EXOC4: variants seen among roughly 807,000 people sequenced by gnomAD.
EXOC4 encodes exocyst complex component 4.
In EXOC4, 71 loss-of-function variants were observed where a neutral mutation model predicts 107.2. The ratio of observed to expected loss-of-function variants is 0.66; its 90% confidence interval spans 0.55 to 0.81. The LOEUF (loss-of-function observed/expected upper bound fraction) is 0.81. Among genes scored for constraint, EXOC4 ranks in the 30% least tolerant of loss-of-function variants. EXOC4 has a pLI of 0.00. For missense variants in EXOC4, 1,108 were observed against 1,189.6 expected, an observed-to-expected ratio of 0.93 and a Z score of 1.01; for synonymous variants, 456 against 441.2, an observed-to-expected ratio of 1.03 and a Z score of -0.42.
intron 7 of EXOC4, among the ~76,000 whole-genome samples, chr7:133,462,648 C>G (rs923624631): frequency 2.0e-5 from 3 of 152,104 alleles, no homozygotes. Flanking sequence ...GATTCACTTT[C>G]TTGATCTCAT....
chr7:133,421,752 G>A (rs149263377), intron 7 of EXOC4, among the ~76,000 whole-genome samples: 1,763 of 152,214 alleles, frequency 0.012, 39 homozygotes, highest in African/African-American at 0.039. Flanking sequence ...GCCAATAAGT[G>A]TGTACTTAAA....
chr7:133,556,026 T>G (rs1305010826), intron 9 of EXOC4, among the ~76,000 whole-genome samples: 1 of 152,196 alleles, frequency 6.6e-6, no homozygotes, highest in African/African-American at 2.4e-5. Flanking sequence ...GATTGTTTGT[T>G]GTAACTTTAA....
chr7:133,381,877 T>A (rs1425335076), intron 7 of EXOC4, among the ~76,000 whole-genome samples: 3 of 152,178 alleles, frequency 2.0e-5, no homozygotes, highest in African/African-American at 7.2e-5. Context: ...TCTCAATGTA[T>A]ACCTCTTGGA....
intron 4 of EXOC4, among the ~76,000 whole-genome samples, chr7:133,307,336 G>A (rs1161348269): frequency 6.6e-6 from 1 of 152,168 alleles, no homozygotes; most frequent in South Asian, 2.1e-4. Context: ...GTATCTGTCA[G>A]TACCTCAGCA....
chr7:133,564,120 A>C (rs6961093), intron 9 of EXOC4, among the ~76,000 whole-genome samples: 57,293 of 152,054 alleles, frequency 0.38, 11,826 homozygotes, highest in African/African-American at 0.55. Context: ...AAAGTAATAC[A>C]TGAGACTGTG....
chr7:134,006,112 G>A (rs949335235), intron 16 of EXOC4, among the ~76,000 whole-genome samples: 6 of 152,134 alleles, frequency 3.9e-5, no homozygotes, highest in East Asian at 3.8e-4. Flanking sequence ...TTATTACACC[G>A]AGTTTCCTCT....
At position 133,649,467 on chromosome 7, in the gene EXOC4, C is replaced by CTTTTTTTTTT. The variant is rs61225754; in HGVS notation, c.1514+19335_1514+19344dup. On this transcript the variant is annotated intron_variant, in intron 10 of 17. Transcript: ENST00000253861. ...TGTGTGTGAAGCATTACTACTTTTTCTTTTTTTTTTTTTTTTTTAACCAGT... is the reference window on the plus strand; with the variant it reads ...TGTGTGTGAAGCATTACTACTTTTTCTTTTTTTTTTTTTTTTTTTTTTTTTTTTAACCAGT... Among the ~76,000 whole-genome samples the CTTTTTTTTTT allele has an allele frequency of 3.5e-5, 3 of 85,400 alleles. 1 individual carries two copies. The highest frequency in any genetic ancestry group is 4.0e-5 in the African/African-American group (1 of 25,254). 56.0% of individuals were successfully genotyped at this position (85,400 alleles called of 152,430 possible).
chr7:133,700,018 G>T (rs1307610389), intron 10 of EXOC4, among the ~76,000 whole-genome samples: 3 of 152,082 alleles, frequency 2.0e-5, no homozygotes, highest in African/African-American at 7.2e-5. Context: ...ATGTTCATGT[G>T]TTATTCAATC....
chr7:133,694,900 G>A (rs1335899705), intron 10 of EXOC4, among the ~76,000 whole-genome samples: 2 of 151,964 alleles, frequency 1.3e-5, no homozygotes, highest in Admixed American at 6.6e-5. Flanking sequence ...TCAGCTCACC[G>A]CAACCTCTGC....
At position 133,275,662 on chromosome 7, in the gene EXOC4, C is replaced by T. The variant is rs192507958; in HGVS notation, c.276+491C>T. The stretch of plus-strand genomic sequence containing the variant: ...CAGTCGAATACCCTTTTATCTGAAT[C>T]CAAACCACAGAAGCGAGAATGTCTC... On this transcript the variant is annotated intron_variant, in intron 2 of 17. Transcript: ENST00000253861. Among the ~76,000 whole-genome samples, 14 of 152,274 alleles carry T rather than the reference C, an allele frequency of 9.2e-5. No homozygotes were observed. The East Asian group carries it at 2.5e-3, about 27-fold the overall frequency.
Position 133,353,921 on chromosome 7 carries a change from T to G in EXOC4, c.764-2409T>G, listed in dbSNP as rs1226437236. 2.6e-5 allele frequency among the ~76,000 whole-genome samples: 4 copies of G among 152,082 alleles called. No homozygotes were observed. The East Asian group carries it at 7.7e-4, about 29-fold the overall frequency. On this transcript the variant is annotated intron_variant, in intron 5 of 17. Coordinates refer to ENST00000253861, the MANE Select transcript of EXOC4 (RefSeq NM_021807.4). ...CCTTTGAATCCCTCTAGTGCATTTT[T>G]CATTCCAAGTATACTTTTCAGCTCA... is the stretch of plus-strand genomic sequence containing the variant.
At chr7:133,285,583 T>C (rs1305415066) in intron 2 of EXOC4, among the ~76,000 whole-genome samples, 1 of 152,166 alleles carries the variant, frequency 6.6e-6, no homozygotes, top group Non-Finnish European at 1.5e-5. Context: ...TTTTCCTTTT[T>C]TTCTTTGACA....
intron 11 of EXOC4, among the ~76,000 whole-genome samples, chr7:133,869,289 C>A (rs755378536): frequency 6.6e-6 from 1 of 151,910 alleles, no homozygotes; most frequent in African/African-American, 2.4e-5. Flanking sequence ...TACATTGCAA[C>A]GTGGTATAAT....
At chr7:133,280,895 T>C (rs945308725) in intron 2 of EXOC4, among the ~76,000 whole-genome samples, 1 of 152,194 alleles carries the variant, frequency 6.6e-6, no homozygotes, top group Non-Finnish European at 1.5e-5. Flanking sequence ...AGAAGGCCTT[T>C]GGTTTCTAGA....
Position 133,356,507 on chromosome 7 carries a change from C to T in EXOC4, c.941C>T (p.Ser314Phe). The change falls in exon 6 of 18, where the codon TCT (serine) becomes TTT (phenylalanine). Residue 314 changes from serine (S) to phenylalanine (F), a missense_variant. Transcript: ENST00000253861. ...GAGTTGAAGCAAATTGTGAAGAGGT[C>T]TACAACCCAGGTGGCAGACAGTGGC... The part of the protein sequence containing the change: ...EQELKQIVKR[S>F]TTQVADSGYQ... The T allele has an allele frequency of 1.2e-6, 2 of 1,614,116 alleles. No homozygotes were observed. Among genetic ancestry groups the T allele is most frequent in the Non-Finnish European group, 1.7e-6 (2 of 1,180,006 alleles).
intron 17 of EXOC4, among the ~76,000 whole-genome samples, chr7:134,028,174 C>T (rs756510073): frequency 2.0e-5 from 3 of 152,240 alleles, no homozygotes; most frequent in Non-Finnish European, 4.4e-5. Context: ...TAATATCCAC[C>T]TTCTCTAATA....
chr7:133,556,664 G>A (rs529174925), intron 9 of EXOC4, among the ~76,000 whole-genome samples: 1 of 152,294 alleles, frequency 6.6e-6, no homozygotes, highest in African/African-American at 2.4e-5. Context: ...GGAATGTTAC[G>A]ATAGGAATTA....
intron 9 of EXOC4, among the ~76,000 whole-genome samples, chr7:133,556,750 T>C (rs1800698312): frequency 6.6e-6 from 1 of 152,122 alleles, no homozygotes; most frequent in African/African-American, 2.4e-5. Flanking sequence ...GTGGGTGTTG[T>C]TGAAAATGAT....
At chr7:133,806,731 C>G (rs1797086550) in intron 10 of EXOC4, among the ~76,000 whole-genome samples, 1 of 152,160 alleles carries the variant, frequency 6.6e-6, no homozygotes, top group Non-Finnish European at 1.5e-5. Flanking sequence ...TCTCTGGAGA[C>G]AAACTGTCCA....
Sources: gnomAD v4.1 joint callset for allele counts (sites outside exome capture counted in the v4.1 genomes callset) on GRCh38, gnomAD v4.1.1 for gene constraint, MANE v1.5 for transcripts, NCBI Gene and HGNC (gene_info 2026-07-23, HGNC 2026-07-21) for gene names.